Variants in AKT3 observed in about 807,000 individuals in gnomAD.
AKT3 encodes the protein RAC-gamma serine/threonine-protein kinase.
AKT3 carries 15 observed loss-of-function variants against 65.3 expected under a neutral mutation model. The ratio of observed to expected loss-of-function variants is 0.23; its 90% CI spans 0.15 to 0.35. The LOEUF is 0.35. Ranked by LOEUF, AKT3 falls within the 10% of genes least tolerant of loss-of-function variation. The pLI is 1.00. For synonymous variants in AKT3, 206 were observed against 183.8 expected (o/e 1.12, Z -0.98); for missense variants, 243 against 576.5 (o/e 0.42, Z 5.92).
At chr1:243,641,089 C>T (rs894453442) in intron 5 of AKT3, among the ~76,000 whole-genome samples, 20 of 152,020 alleles carry the variant, frequency 1.3e-4, no homozygotes, top group East Asian at 5.8e-4. Flanking sequence ...TCCCAGCCTA[C>T]GTCTTTCTGC....
intron 12 of AKT3, among the ~76,000 whole-genome samples, chr1:243,542,882 G>A (rs1480403335): frequency 3.9e-5 from 6 of 152,148 alleles, no homozygotes; most frequent in Admixed American, 2.0e-4. Flanking sequence ...TATATGGGGC[G>A]GCAGAGAACA....
At chr1:243,614,356 C>G (rs966318789) in intron 7 of AKT3, among the ~76,000 whole-genome samples, 30 of 152,146 alleles carry the variant, frequency 2.0e-4, no homozygotes, top group African/African-American at 7.0e-4. Flanking sequence ...ATATTCCAAA[C>G]AGTGTAAAGG....
At chr1:243,817,728 G>A (rs1693615824) in intron 2 of AKT3, among the ~76,000 whole-genome samples, 1 of 152,186 alleles carries the variant, frequency 6.6e-6, no homozygotes, top group African/African-American at 2.4e-5. Flanking sequence ...GATAGAGTGA[G>A]ACTCTGTCTC....
intron 8 of AKT3, among the ~76,000 whole-genome samples, chr1:243,598,404 ATTG>A (rs1434284562): frequency 6.6e-6 from 1 of 151,990 alleles, no homozygotes; most frequent in Non-Finnish European, 1.5e-5. Context: ...GTTTTTTTTT[ATTG>A]TTAAGCTTAG....
At chr1:243,568,154 CTT>C (rs1674306096) in intron 9 of AKT3, among the ~76,000 whole-genome samples, 1 of 152,062 alleles carries the variant, frequency 6.6e-6, no homozygotes, top group African/African-American at 2.4e-5. Flanking sequence ...TCCTTCTTCC[CTT>C]TGTTAGCCAG....
intron 2 of AKT3, among the ~76,000 whole-genome samples, chr1:243,699,225 C>A (rs566491222): frequency 6.6e-6 from 1 of 151,856 alleles, no homozygotes; most frequent in South Asian, 2.1e-4. Context: ...TGCATCAAAC[C>A]CAAATTGCAT....
intron 3 of AKT3, among the ~76,000 whole-genome samples, chr1:243,681,124 T>C (rs572415102): frequency 6.6e-6 from 1 of 152,282 alleles, no homozygotes; most frequent in South Asian, 2.1e-4. Flanking sequence ...AAAGAATTCC[T>C]TGCCACTGGG....
intron 2 of AKT3, among the ~76,000 whole-genome samples, chr1:243,803,615 T>C (rs536570829): frequency 1.3e-5 from 2 of 150,536 alleles, no homozygotes; most frequent in South Asian, 4.2e-4. Flanking sequence ...ATTTGACAAC[T>C]TGGTTTGTTA....
At chr1:243,725,508 T>G (rs1687158498) in intron 2 of AKT3, among the ~76,000 whole-genome samples, 2 of 152,194 alleles carry the variant, frequency 1.3e-5, no homozygotes, top group Admixed American at 1.3e-4. Context: ...CTCAGCCTTT[T>G]TTGTGTCTCT....
intron 6 of AKT3, among the ~76,000 whole-genome samples, chr1:243,630,330 G>A (rs1255668228): frequency 6.6e-6 from 1 of 152,204 alleles, no homozygotes; most frequent in Non-Finnish European, 1.5e-5. Flanking sequence ...AGGAATGGGT[G>A]AGACTCTATG....
chr1:243,614,555 GA>G (rs1678151315), intron 7 of AKT3, among the ~76,000 whole-genome samples: 1 of 152,032 alleles, frequency 6.6e-6, no homozygotes, highest in Admixed American at 6.6e-5. Context: ...TTTGTCTAGT[GA>G]AAAAAACGTA....
At chr1:243,549,086 G>C (rs1333504144) in intron 11 of AKT3, among the ~76,000 whole-genome samples, 1 of 151,992 alleles carries the variant, frequency 6.6e-6, no homozygotes, top group African/African-American at 2.4e-5. Flanking sequence ...TACTGCCTTG[G>C]CTCTAGCTAC....
chr1:243,770,391 T>C (rs1160961795), intron 2 of AKT3, among the ~76,000 whole-genome samples: 1 of 152,122 alleles, frequency 6.6e-6, no homozygotes, highest in East Asian at 1.9e-4. Context: ...AACAAATTAA[T>C]CATAGGTCAA....
intron 4 of AKT3, among the ~76,000 whole-genome samples, chr1:243,646,384 T>C (rs1680817219): frequency 6.6e-6 from 1 of 152,032 alleles, no homozygotes. Flanking sequence ...GGAAACGGTC[T>C]CACTCTGTTG....
At chr1:243,739,220 A>G (rs1209997462) in intron 2 of AKT3, among the ~76,000 whole-genome samples, 1 of 152,220 alleles carries the variant, frequency 6.6e-6, no homozygotes, top group Non-Finnish European at 1.5e-5. Flanking sequence ...AGAAAGAGTA[A>G]AATTTAACTG....
intron 3 of AKT3, among the ~76,000 whole-genome samples, chr1:243,679,664 G>A (rs1683781143): frequency 6.6e-6 from 1 of 152,164 alleles, no homozygotes; most frequent in Admixed American, 6.5e-5. Context: ...TGGCCAAAAT[G>A]TTAAAAACCT....
At chr1:243,717,551 TCTC>T (rs1191227869) in intron 2 of AKT3, among the ~76,000 whole-genome samples, 2 of 152,202 alleles carry the variant, frequency 1.3e-5, no homozygotes, top group African/African-American at 2.4e-5. Flanking sequence ...TTGCTTTCAT[TCTC>T]CTTACTTCAT....
intron 4 of AKT3, among the ~76,000 whole-genome samples, chr1:243,661,662 A>G (rs1201701516): frequency 1.3e-5 from 2 of 151,960 alleles, no homozygotes; most frequent in East Asian, 1.9e-4. Flanking sequence ...CTTCATGTCT[A>G]AAACACAAAA....
chr1:243,821,845 C>G (rs535118569), intron 2 of AKT3, among the ~76,000 whole-genome samples: 2 of 152,114 alleles, frequency 1.3e-5, no homozygotes, highest in Non-Finnish European at 1.5e-5. Context: ...GACTTTAACA[C>G]CCCACCATCA....
Sources: gnomAD v4.1 joint callset for allele counts (sites outside exome capture counted in the v4.1 genomes callset) on GRCh38, gnomAD v4.1.1 for gene constraint, MANE v1.5 for transcripts, NCBI Gene and HGNC (gene_info 2026-07-23, HGNC 2026-07-21) for gene names.